The following ULK1 variants were observed in gnomAD, a reference collection of about 807,000 sequenced individuals.
ULK1 encodes the protein unc-51 like autophagy activating kinase 1, also known as serine/threonine-protein kinase ULK1.
In ULK1, 48 loss-of-function variants were observed where a neutral mutation model predicts 117.5. The observed-to-expected ratio is 0.41, with a 90% CI of 0.32 to 0.52. The LOEUF (loss-of-function observed/expected upper bound fraction) is 0.52. ULK1 is among the 20% of genes least tolerant of loss of function. The pLI, the probability that ULK1 is intolerant of heterozygous loss-of-function variation, is 0.29. For missense variants in ULK1, 1,387 were observed against 1,473.4 expected (o/e 0.94, Z 0.96); for synonymous variants, 790 against 637.8 (o/e 1.24, Z -3.60).
chr12:131,907,411 G>C, intron 4 of ULK1, 84 bp from the exon 5 acceptor site: 1 of 1,555,844 alleles, frequency 6.4e-7, no homozygotes, highest in Non-Finnish European at 8.7e-7. Context: ...TAGTGTCCAA[G>C]TGTGAGGGGT....
intron 25 of ULK1, 146 bp downstream of exon 25, chr12:131,919,736 G>C (rs1369704554): frequency 1.9e-6 from 2 of 1,076,518 alleles, no homozygotes; most frequent in African/African-American, 1.6e-5. Flanking sequence ...CCAGTGTGCA[G>C]AGCACAGAGG....
intron 13 of ULK1, 59 bp from the exon 14 acceptor site, chr12:131,913,139 G>A (rs1446800689): frequency 1.1e-5 from 17 of 1,481,098 alleles, no homozygotes; most frequent in Non-Finnish European, 1.5e-5. Flanking sequence ...CCTCGGTGGG[G>A]TGGGGTGGCC....
At chr12:131,895,136 A>G in intron 1 of ULK1, 24 bp downstream of exon 1, 2 of 1,470,286 alleles carry the variant, frequency 1.4e-6, no homozygotes, top group East Asian at 2.6e-5. Flanking sequence ...CCGGCCCGGG[A>G]TCCCCCGCCC....
Position 131,917,433 on chromosome 12 carries a change from G to A in ULK1, c.2205G>A (p.Gly735=), listed in dbSNP as rs1889903121. 2 of 1,539,942 alleles carry A rather than the reference G, an allele frequency of 1.3e-6. No individual in the cohort carries two copies. The highest frequency in any genetic ancestry group is 2.0e-5 in the Admixed American group (1 of 51,268). The change falls in exon 22 of 28, where the codon GGG becomes GGA. Residue 735 remains glycine (G), a synonymous_variant. Coordinates refer to ENST00000321867, the MANE Select transcript of ULK1 (RefSeq NM_003565.4). ...CAGCACCCTCAGCTGGCTTTGGAGG[G>A]AGCCTGCACCCAGGAGCCCGTGCTG... is the stretch of plus-strand genomic sequence containing the variant. ...MEIAPSAGFG[G]SLHPGARAGG...
chr12:131,920,263 G>C, intron 26 of ULK1, 127 bp downstream of exon 26: 1 of 1,276,166 alleles, frequency 7.8e-7, no homozygotes, highest in East Asian at 2.6e-5. Context: ...TGGAGGTCTT[G>C]AAATGACAGC....
rs1743325017 is a variant in ULK1 at position 131,918,635 on chromosome 12, C to T, written c.2465C>T (p.Ala822Val). 4.3e-6 allele frequency: 7 copies of T among 1,609,208 alleles called. No individual in the cohort carries two copies. The highest frequency in any genetic ancestry group is 3.4e-5 in the Admixed American group (2 of 59,650). The change falls in exon 23 of 28, where the codon GCT becomes GTT. Residue 822 changes from alanine to valine, a missense_variant. Ala to Val is a moderately conservative substitution (Grantham distance 64, BLOSUM62 0). This residue lies in a region of ULK1 where 900 missense variants were observed against 858.9 expected (regional missense o/e 1.05). Coordinates refer to ENST00000321867, the MANE Select transcript of ULK1 (RefSeq NM_003565.4). ...ADPITANLEGAVTFEAPDLPE... is the reference protein window; with the variant it reads ...ADPITANLEGVVTFEAPDLPE... ...CCCATTACTGCGAACCTGGAGGGGG[C>T]TGTGACCTTCGAGGCCCCCGACCTC...
chr12:131,918,232 G>C, intron 22 of ULK1: 1 of 549,516 alleles, frequency 1.8e-6, no homozygotes, highest in South Asian at 2.3e-5. Context: ...TGGGGGTCGG[G>C]ATACCCAGAG....
intron 22 of ULK1, among the ~76,000 whole-genome samples, chr12:131,917,935 C>T (rs917824803): frequency 2.6e-5 from 4 of 152,216 alleles, no homozygotes; most frequent in Non-Finnish European, 5.9e-5. Context: ...GCGTGCCCCT[C>T]GGTTCCCCAG....
In ULK1 at chr12:131,921,342, T is replaced by C. The variant is rs948755688; in HGVS notation, c.3134T>C (p.Leu1045Pro). Reference protein sequence around the residue: ...LCIERRLSALLTGICA With the variant: ...LCIERRLSALPTGICA ...ATTGAGCGGAGACTCTCGGCGCTGCTGACTGGCATCTGTGCCTGACCTTTC... is the reference window on the plus strand; with the variant it reads ...ATTGAGCGGAGACTCTCGGCGCTGCCGACTGGCATCTGTGCCTGACCTTTC... The change falls in exon 28 of 28, where the codon CTG becomes CCG. Residue 1045 changes from leucine to proline, a missense_variant. By Grantham distance (98) the Leu-to-Pro change is moderately conservative. Transcript: ENST00000321867. 2 of 1,605,152 alleles carry C rather than the reference T, an allele frequency of 1.2e-6. No homozygotes were observed. Among genetic ancestry groups the C allele is most frequent in the African/African-American group, 1.3e-5 (1 of 74,942 alleles).
chr12:131,918,769 G>GTGGGGTGTAGGGTGTGTGGTGTAGGGTA, intron 23 of ULK1, 88 bp downstream of exon 23: 1 of 1,320,094 alleles, frequency 7.6e-7, no homozygotes, highest in Non-Finnish European at 1.0e-6. Flanking sequence ...TATAGGGTGT[G>GTGGGGTGTAGGGTGTGTGGTGTAGGGTA]TGGGGTGTCG....
chr12:131,897,641 C>T (rs960181066), intron 3 of ULK1: 6 of 152,076 alleles, frequency 3.9e-5, no homozygotes, highest in African/African-American at 9.7e-5. Flanking sequence ...AAGTTTACCC[C>T]TCGGCCAGGC....
chr12:131,908,229 C>T (rs1210785940), intron 5 of ULK1, among the ~76,000 whole-genome samples: 2 of 152,128 alleles, frequency 1.3e-5, no homozygotes, highest in African/African-American at 4.8e-5. Flanking sequence ...ACCCCACGGA[C>T]CAAGCCTGGG....
chr12:131,901,170 C>T (rs1393234922), intron 3 of ULK1, among the ~76,000 whole-genome samples: 1 of 151,710 alleles, frequency 6.6e-6, no homozygotes, highest in Non-Finnish European at 1.5e-5. Context: ...ACCAGCCTGG[C>T]CAACATGGCA....
At chr12:131,920,970 C>G in intron 26 of ULK1, 130 bp from the exon 27 acceptor site, 1 of 1,304,980 alleles carries the variant, frequency 7.7e-7, no homozygotes. Context: ...TGCACCAGCA[C>G]TTATGTCTCC....
At chr12:131,921,268 T>C in intron 27 of ULK1, 33 bp downstream of exon 27, 2 of 1,608,046 alleles carry the variant, frequency 1.2e-6, no homozygotes, top group Non-Finnish European at 8.5e-7. Context: ...GGCTGGGGAC[T>C]CTGGGCGTCT....
intron 4 of ULK1, 119 bp from the exon 5 acceptor site, chr12:131,907,376 G>C (rs1184672276): frequency 1.1e-5 from 15 of 1,317,282 alleles, no homozygotes; most frequent in African/African-American, 1.5e-5. Context: ...CCCTGGGCTG[G>C]GCAGGTGCCT....
At chr12:131,914,606 C>A in intron 16 of ULK1, 129 bp downstream of exon 16, 1 of 1,231,004 alleles carries the variant, frequency 8.1e-7, no homozygotes, top group Non-Finnish European at 1.1e-6. Flanking sequence ...CTGCGTAACT[C>A]AGCACCACCA....
chr12:131,922,093 C>A lies in ULK1; in HGVS notation c.*732C>A, dbSNP rs1019049919. 1.3e-5 allele frequency: 6 copies of A among 449,658 alleles called. No individual in the cohort carries two copies. The highest frequency in any genetic ancestry group is 2.7e-5 in the Non-Finnish European group (6 of 222,022). The allele number at this position is 449,658 out of a possible 1,614,324, so 27.9% of individuals were successfully genotyped here. A position where few individuals can be genotyped will look rare whatever the true frequency, so the allele number is the denominator to read the frequency against. The stretch of plus-strand genomic sequence containing the variant: ...CTCTGGGGACCGGCAGCAGAGGCAC[C>A]GTGTTCTCTCAGCCCTGGATACGTC... On this transcript the variant is annotated 3_prime_UTR_variant, in exon 28 of 28. Coordinates refer to ENST00000321867, the MANE Select transcript of ULK1 (RefSeq NM_003565.4).
At position 131,917,796 on chromosome 12, in the gene ULK1, G is replaced by A. The variant is rs540391491; in HGVS notation, c.2326+242G>A. 1.8e-4 allele frequency among the ~76,000 whole-genome samples: 28 copies of A among 152,310 alleles called. No individual in the cohort carries two copies. In the South Asian group the frequency reaches 2.5e-3, roughly 14 times the overall value. On this transcript the variant is annotated intron_variant, in intron 22 of 27. Coordinates refer to ENST00000321867, the MANE Select transcript of ULK1 (RefSeq NM_003565.4). The stretch of plus-strand genomic sequence containing the variant: ...CTCAACCTGTGAGCGGTAGGCGCTC[G>A]TTCCCATTTATCCCCAAAACATGAG...
Sources: allele counts gnomAD v4.1 joint callset (sites outside exome capture counted in the v4.1 genomes callset), GRCh38; gene constraint gnomAD v4.1.1; regional missense constraint gnomAD v4.1.1; transcripts MANE v1.5; gene names NCBI Gene and HGNC (gene_info 2026-07-23, HGNC 2026-07-21).